Variants in MMP16 observed in about 807,000 individuals in gnomAD.
MMP16 encodes matrix metallopeptidase 16, also known as matrix metalloproteinase-16.
Under a neutral mutation model 67.8 loss-of-function variants are expected in MMP16, and 12 were observed. The observed-to-expected ratio is 0.18, with a 90% CI of 0.11 to 0.29. The LOEUF is 0.29. Ranked by LOEUF, MMP16 falls within the 10% of genes least tolerant of loss-of-function variation. MMP16 has a pLI of 1.00. For missense variants in MMP16, 475 were observed against 765.7 expected (o/e 0.62, Z 4.48); for synonymous variants, 249 against 255.9 (o/e 0.97, Z 0.26).
intron 1 of MMP16, among the ~76,000 whole-genome samples, chr8:88,252,378 A>G (rs1480495628): frequency 2.0e-5 from 3 of 151,990 alleles, no homozygotes; most frequent in Non-Finnish European, 2.9e-5. Flanking sequence ...TAGCCCTCCA[A>G]CTGATTTCTC....
intron 6 of MMP16, among the ~76,000 whole-genome samples, chr8:88,102,138 G>T (rs551913635): frequency 6.6e-6 from 1 of 151,942 alleles, no homozygotes; most frequent in African/African-American, 2.4e-5. Flanking sequence ...ACCAGCAAGT[G>T]TGTGATCAAT....
chr8:88,062,160 C>A (rs1808407344), intron 7 of MMP16, among the ~76,000 whole-genome samples: 1 of 151,954 alleles, frequency 6.6e-6, no homozygotes, highest in Non-Finnish European at 1.5e-5. Context: ...CCTTTTGTAT[C>A]TTGATGAGTT....
chr8:88,235,207 C>T (rs1319693246), intron 1 of MMP16, among the ~76,000 whole-genome samples: 1 of 152,014 alleles, frequency 6.6e-6, no homozygotes, highest in Non-Finnish European at 1.5e-5. Flanking sequence ...GCCTGGCCAA[C>T]GTGGTAAAAC....
Position 88,041,637 on chromosome 8 carries a change from C to G in MMP16, c.1648G>C (p.Asp550His). 6.2e-7 allele frequency: 1 copy of G among 1,614,106 alleles called. No individual in the cohort carries two copies. The highest frequency in any genetic ancestry group is 8.5e-7 in the Non-Finnish European group (1 of 1,180,000). The change falls in exon 10 of 10, where the codon GAC (aspartate) becomes CAC (histidine). Residue 550 changes from aspartate (D) to histidine (H), a missense_variant. By Grantham distance (81) the Asp-to-His change is moderately conservative (BLOSUM62 -1). Around this residue, in one of 5 missense-constraint regions of MMP16, gnomAD observed 80 missense variants for 93.4 expected, o/e 0.86. Coordinates refer to ENST00000286614, the MANE Select transcript of MMP16 (RefSeq NM_005941.5). The surrounding 1 kb of genome is among the most constrained non-coding windows in gnomAD (Gnocchi z 6.0). ...KEGHSPPDDV[D>H]IVIKLDNTAS... ...GTGTTGTCCAGTTTGATGACAATGTCTACATCATCTGGTGGGCTGTGTCCT... is the reference window on the plus strand; with the variant it reads ...GTGTTGTCCAGTTTGATGACAATGTGTACATCATCTGGTGGGCTGTGTCCT...
intron 1 of MMP16, among the ~76,000 whole-genome samples, chr8:88,280,965 A>C (rs1810724181): frequency 6.6e-6 from 1 of 152,130 alleles, no homozygotes; most frequent in Non-Finnish European, 1.5e-5. Flanking sequence ...ATATCAGTAC[A>C]TTGCTATTAG....
chr8:88,247,635 G>C (rs980464831), intron 1 of MMP16, among the ~76,000 whole-genome samples: 1 of 152,086 alleles, frequency 6.6e-6, no homozygotes, highest in African/African-American at 2.4e-5. Flanking sequence ...AAGAGAGAGA[G>C]ATTGACAATA....
At chr8:88,221,615 AT>A (rs1228664657) in intron 1 of MMP16, among the ~76,000 whole-genome samples, 1 of 108,322 alleles carries the variant, frequency 9.2e-6, no homozygotes, top group Non-Finnish European at 2.5e-5. Flanking sequence ...ATCCTGGAAG[AT>A]TAAAAAATAT....
intron 7 of MMP16, chr8:88,069,604 C>T: frequency 2.2e-6 from 1 of 451,964 alleles, no homozygotes; most frequent in South Asian, 1.8e-5. Context: ...AGGCTTATTG[C>T]TAATTATAGA....
At chr8:88,309,711 C>T (rs1353023119) in intron 1 of MMP16, among the ~76,000 whole-genome samples, 3 of 152,046 alleles carry the variant, frequency 2.0e-5, no homozygotes, top group African/African-American at 7.2e-5. Flanking sequence ...TTCAGATAGA[C>T]AGCACATGTA....
chr8:88,283,504 T>C (rs745396802), intron 1 of MMP16, among the ~76,000 whole-genome samples: 18 of 152,176 alleles, frequency 1.2e-4, no homozygotes, highest in Non-Finnish European at 2.4e-4. Flanking sequence ...CATAATGTGG[T>C]TAGCACTTTA....
chr8:88,290,488 G>A (rs1459146045), intron 1 of MMP16, among the ~76,000 whole-genome samples: 1 of 152,124 alleles, frequency 6.6e-6, no homozygotes, highest in Non-Finnish European at 1.5e-5. Context: ...GGGAGGCAGA[G>A]CTTGCAATGA....
In MMP16 at chr8:88,182,794, C is replaced by A. The variant is rs1586193196; in HGVS notation, c.404+3682G>T. ...TGGCCTTCTTCATAATTTCCCCAAACTGGAATCAACCAAGATGGCTTCAAT... is the reference window on the plus strand; with the variant it reads ...TGGCCTTCTTCATAATTTCCCCAAAATGGAATCAACCAAGATGGCTTCAAT... On this transcript the variant is annotated intron_variant, in intron 3 of 9. Transcript: ENST00000286614. Among the ~76,000 whole-genome samples the A allele has an allele frequency of 2.7e-5, 4 of 149,956 alleles. No homozygotes were observed. The South Asian group carries it at 8.5e-4, about 32-fold the overall frequency.
chr8:88,220,970 T>C (rs1809673087), intron 1 of MMP16, among the ~76,000 whole-genome samples: 1 of 152,158 alleles, frequency 6.6e-6, no homozygotes. Context: ...ACCAGTTAAA[T>C]TCGCAAGAAT....
Position 88,079,987 on chromosome 8 carries a change from T to A in MMP16, c.1084-5244A>T, listed in dbSNP as rs371403114. ...GGTGTTCTGGTATAGCACATCCTGA[T>A]GAACTAAGACATTCTTGTACTATCT... On this transcript the variant is annotated intron_variant, in intron 6 of 9. Transcript: ENST00000286614. Among the ~76,000 whole-genome samples, 157 of 152,340 alleles carry A rather than the reference T, an allele frequency of 1.0e-3. 1 individual carries two copies. In the Middle Eastern group the frequency reaches 0.014, roughly 13 times the overall value.
At chr8:88,108,511 T>C (rs937537604) in intron 6 of MMP16, among the ~76,000 whole-genome samples, 3 of 151,352 alleles carry the variant, frequency 2.0e-5, no homozygotes, top group African/African-American at 7.3e-5. Context: ...TAACCTTTTT[T>C]CTTCTTTATG....
At chr8:88,255,742 T>C (rs1810290683) in intron 1 of MMP16, among the ~76,000 whole-genome samples, 1 of 152,196 alleles carries the variant, frequency 6.6e-6, no homozygotes, top group Non-Finnish European at 1.5e-5. Context: ...GGCTGATTGT[T>C]AGGGATTTTA....
chr8:88,273,405 C>T (rs1052056009), intron 1 of MMP16, among the ~76,000 whole-genome samples: 1 of 152,012 alleles, frequency 6.6e-6, no homozygotes, highest in Non-Finnish European at 1.5e-5. Context: ...AAATAACCTG[C>T]CTTTGATGAG....
At chr8:88,290,889 T>G (rs573875057) in intron 1 of MMP16, among the ~76,000 whole-genome samples, 18 of 152,316 alleles carry the variant, frequency 1.2e-4, no homozygotes, top group African/African-American at 4.3e-4. Context: ...ATTTTATTTA[T>G]GTAAATATAA....
chr8:88,290,122 G>A (rs1810903490), intron 1 of MMP16, among the ~76,000 whole-genome samples: 1 of 152,016 alleles, frequency 6.6e-6, no homozygotes, highest in African/African-American at 2.4e-5. Flanking sequence ...ACCACAAATG[G>A]GAAAATTCAT....
Sources: gnomAD v4.1 joint callset for allele counts (sites outside exome capture counted in the v4.1 genomes callset) on GRCh38, gnomAD v4.1.1 for gene constraint, gnomAD v4.1.1 regional missense constraint, Gnocchi (gnomAD v3.1) non-coding constraint, MANE v1.5 for transcripts, NCBI Gene and HGNC (gene_info 2026-07-23, HGNC 2026-07-21) for gene names.